The following MRPS27 variants were observed in gnomAD, a reference collection of about 807,000 sequenced individuals.
MRPS27 encodes the protein small ribosomal subunit protein mS27.
In MRPS27, 43 loss-of-function variants were observed where a neutral mutation model predicts 48.9. The ratio of observed to expected loss-of-function variants is 0.88; its 90% CI spans 0.69 to 1.13. The LOEUF (loss-of-function observed/expected upper bound fraction) is 1.13, where lower values mean the gene tolerates loss of function less well. Ranked by LOEUF, MRPS27 falls within the 50% of genes most tolerant of loss-of-function variation. MRPS27 has a pLI of 0.00. For synonymous variants in MRPS27, 188 were observed against 171.9 expected, an observed-to-expected ratio of 1.09 and a Z score of -0.73; for missense variants, 467 against 476.3, an observed-to-expected ratio of 0.98 and a Z score of 0.18.
At chr5:72,293,980 C>T (rs1749908782) in intron 4 of MRPS27, among the ~76,000 whole-genome samples, 5 of 152,060 alleles carry the variant, frequency 3.3e-5, no homozygotes, top group African/African-American at 2.4e-5. Context: ...TCAAGGGGTT[C>T]GTTTATCTTT....
At chr5:72,258,212 A>C (rs1356334265) in intron 4 of MRPS27, among the ~76,000 whole-genome samples, 1 of 152,118 alleles carries the variant, frequency 6.6e-6, no homozygotes, top group South Asian at 2.1e-4. Flanking sequence ...TGCTCTGCCC[A>C]GGAAAGCTGC....
In MRPS27 at chr5:72,237,510, CAAT is replaced by C. The variant is rs538020408; in HGVS notation, c.396+501_396+503del. Reference sequence around the variant, plus strand: ...AAACTAGTGTTTAGCTTCAGACTCACAATAATAACATTCTAAACCTCTGTTCAT... The same window carrying C: ...AAACTAGTGTTTAGCTTCAGACTCACAATAACATTCTAAACCTCTGTTCAT... On this transcript the variant is annotated intron_variant, in intron 5 of 10. Coordinates refer to ENST00000261413, the MANE Select transcript of MRPS27 (RefSeq NM_015084.3). Among the ~76,000 whole-genome samples the C allele has an allele frequency of 1.4e-4, 22 of 152,198 alleles. No individual in the cohort carries two copies. The East Asian group carries it at 3.7e-3, about 25-fold the overall frequency.
At chr5:72,222,657 G>C (rs12189145) in intron 10 of MRPS27, 50,593 of 152,046 alleles carry the variant, frequency 0.33, 8,910 homozygotes, top group Non-Finnish European at 0.38. Context: ...TTTAGCCTTT[G>C]TAAATACACA....
intron 4 of MRPS27, among the ~76,000 whole-genome samples, chr5:72,275,770 T>C (rs1468924075): frequency 6.6e-6 from 1 of 152,034 alleles, no homozygotes; most frequent in East Asian, 1.9e-4. Context: ...CTTTCCCCAC[T>C]GGCCGGGGTT....
At chr5:72,250,110 T>C (rs1748625527) in intron 4 of MRPS27, among the ~76,000 whole-genome samples, 1 of 152,248 alleles carries the variant, frequency 6.6e-6, no homozygotes, top group Non-Finnish European at 1.5e-5. Context: ...ACACTGATTA[T>C]TTCATAACAC....
chr5:72,296,969 T>C (rs1161579327), intron 3 of MRPS27, among the ~76,000 whole-genome samples: 1 of 152,180 alleles, frequency 6.6e-6, no homozygotes. Flanking sequence ...CAAGCCCAGA[T>C]ATATTTGAAG....
intron 4 of MRPS27, among the ~76,000 whole-genome samples, chr5:72,239,058 ATGT>A (rs1748283296): frequency 6.6e-6 from 1 of 150,958 alleles, no homozygotes; most frequent in Admixed American, 6.6e-5. Context: ...TGAAATCCCT[ATGT>A]TTTCCTGAAT....
chr5:72,221,293 A>C lies in MRPS27; in HGVS notation c.1006-145T>G, dbSNP rs977073026. On this transcript the variant is annotated intron_variant, in intron 10 of 10. Coordinates refer to ENST00000261413, the MANE Select transcript of MRPS27 (RefSeq NM_015084.3). The stretch of plus-strand genomic sequence containing the variant: ...AGTTTAGTCCTCATTCTAGTGGCCC[A>C]GAATGAAGTCACCTGCAAAATAACC... The C allele has an allele frequency of 4.8e-6, 5 of 1,032,990 alleles. No homozygotes were observed. In the Admixed American group the frequency reaches 1.3e-4, roughly 27 times the overall value. The allele number at this position is 1,032,990 out of a possible 1,614,324, so 64.0% of individuals were successfully genotyped here.
rs535999923 is a variant in MRPS27, at chr5:72,228,295, C to G, written c.665G>C (p.Ser222Thr). The G allele has an allele frequency of 6.2e-7, 1 of 1,613,636 alleles. No homozygotes were observed. The highest frequency in any genetic ancestry group is 8.5e-7 in the Non-Finnish European group (1 of 1,179,700). The change falls in exon 8 of 11, where the codon AGT becomes ACT. Residue 222 changes from serine to threonine, a missense_variant. Transcript: ENST00000261413. ...AAGTGCATAGCCATACAACTGGGAA[C>G]TGAAACCCACTGAGTTCTTTTGTTT... ...GLKQKNSVGFSSQLYGYALLG... is the reference protein window; with the variant it reads ...GLKQKNSVGFTSQLYGYALLG...
At chr5:72,240,849 C>T (rs941674740) in intron 4 of MRPS27, among the ~76,000 whole-genome samples, 2 of 152,218 alleles carry the variant, frequency 1.3e-5, no homozygotes, top group Admixed American at 6.5e-5. Flanking sequence ...GAAAGTTACT[C>T]AAGACTTCAC....
chr5:72,234,160 T>C lies in MRPS27; in HGVS notation c.434A>G (p.Asn145Ser), dbSNP rs377258026. The C allele has an allele frequency of 4.6e-6, 7 of 1,517,306 alleles. No individual in the cohort carries two copies. The highest frequency in any genetic ancestry group is 1.4e-5 in the South Asian group (1 of 73,756). The allele number at this position is 1,517,306 out of a possible 1,614,324, so 94.0% of individuals were successfully genotyped here. ...CTTTATGAAAGAATCCATCAGTAAA[T>C]TGAATGTAAAGTTATCTGGAAAAAT... Reference protein sequence around the residue: ...YGIFPDNFTFNLLMDSFIKKE... With the variant: ...YGIFPDNFTFSLLMDSFIKKE... The change falls in exon 6 of 11, where the codon AAT becomes AGT. Residue 145 changes from asparagine to serine, a missense_variant. Asn to Ser is a conservative substitution (Grantham distance 46, BLOSUM62 1). Transcript: ENST00000261413.
chr5:72,222,003 C>T (rs891274484), intron 10 of MRPS27, among the ~76,000 whole-genome samples: 1 of 152,134 alleles, frequency 6.6e-6, no homozygotes, highest in Non-Finnish European at 1.5e-5. Flanking sequence ...CACACATCCC[C>T]ATGTTCCACA....
In MRPS27 at chr5:72,298,735, A is replaced by C. The variant is rs920489810; in HGVS notation, c.152-1033T>G. On this transcript the variant is annotated intron_variant, in intron 2 of 10. Transcript: ENST00000261413. ...CTCAAAAAAAAAAACAAAAAAAAAA[A>C]AAACAGAGCTACCATTTGATTCAGC... 4.0e-5 allele frequency among the ~76,000 whole-genome samples: 6 copies of C among 151,552 alleles called. No individual in the cohort carries two copies. The South Asian group carries it at 8.3e-4, about 21-fold the overall frequency.
rs1750423908 is a variant in MRPS27, at chr5:72,310,781, C to A, written c.151+3300G>T. On this transcript the variant is annotated intron_variant, in intron 2 of 10. Coordinates refer to ENST00000261413, the MANE Select transcript of MRPS27 (RefSeq NM_015084.3). ...CATTAAAGTCTCTCTCCGAGAATAGCCTATTAATCAGAAGGGAGAAAAACA... is the reference window on the plus strand; with the variant it reads ...CATTAAAGTCTCTCTCCGAGAATAGACTATTAATCAGAAGGGAGAAAAACA... 2.0e-5 allele frequency among the ~76,000 whole-genome samples: 3 copies of A among 152,212 alleles called. No individual in the cohort carries two copies. In the South Asian group the frequency reaches 6.2e-4, roughly 32 times the overall value.
chr5:72,317,041 A>C (rs567295705), intron 1 of MRPS27, among the ~76,000 whole-genome samples: 11 of 152,052 alleles, frequency 7.2e-5, no homozygotes, highest in South Asian at 2.1e-4. Context: ...AAAAAAAAAA[A>C]AAACAAACAG....
At chr5:72,258,241 T>G (rs973309463) in intron 4 of MRPS27, among the ~76,000 whole-genome samples, 1 of 152,062 alleles carries the variant, frequency 6.6e-6, no homozygotes, top group Non-Finnish European at 1.5e-5. Context: ...CCCACACATA[T>G]AGGAGAAGGG....
intron 4 of MRPS27, among the ~76,000 whole-genome samples, chr5:72,283,161 T>C (rs1165006667): frequency 6.6e-6 from 1 of 152,114 alleles, no homozygotes; most frequent in Non-Finnish European, 1.5e-5. Context: ...AAGCTACAGA[T>C]CAAAGTGGGG....
chr5:72,267,801 C>T (rs1454467935), intron 4 of MRPS27, among the ~76,000 whole-genome samples: 2 of 151,680 alleles, frequency 1.3e-5, no homozygotes, highest in Admixed American at 6.6e-5. Flanking sequence ...AGAATCTGTG[C>T]TGCCTTGCAG....
chr5:72,266,009 GA>G (rs1749099610), intron 4 of MRPS27, among the ~76,000 whole-genome samples: 1 of 152,150 alleles, frequency 6.6e-6, no homozygotes, highest in Admixed American at 6.5e-5. Flanking sequence ...TTTGAATACA[GA>G]TGCTAGAAAA....
Sources: allele counts gnomAD v4.1 joint callset (sites outside exome capture counted in the v4.1 genomes callset), GRCh38; gene constraint gnomAD v4.1.1; transcripts MANE v1.5; gene names NCBI Gene and HGNC (gene_info 2026-07-23, HGNC 2026-07-21).